The following SLC48A1 variants were observed in gnomAD, a reference collection of about 807,000 sequenced individuals.
SLC48A1 encodes the protein solute carrier family 48 member 1.
Under a neutral mutation model 14.8 loss-of-function variants are expected in SLC48A1, and 6 were observed. The observed-to-expected ratio is 0.41, with a 90% CI of 0.22 to 0.80. The LOEUF (loss-of-function observed/expected upper bound fraction) is 0.80, where lower values mean the gene tolerates loss of function less well. SLC48A1 is among the 30% of genes least tolerant of loss of function. The probability of loss-of-function intolerance (pLI) is 0.34; values close to 1 mark genes in which losing one functional copy is unlikely to be tolerated. For missense variants in SLC48A1, 165 were observed against 204.8 expected, an observed-to-expected ratio of 0.81 and a Z score of 1.19; for synonymous variants, 89 against 90.0, an observed-to-expected ratio of 0.99 and a Z score of 0.06.
At chr12:47,775,794 A>T (rs1219673535) in intron 1 of SLC48A1, among the ~76,000 whole-genome samples, 1 of 152,046 alleles carries the variant, frequency 6.6e-6, no homozygotes, top group Non-Finnish European at 1.5e-5. Context: ...TGGTGGGCAG[A>T]GTGTTCACGG....
intron 1 of SLC48A1, 116 bp downstream of exon 1, chr12:47,773,556 T>C (rs1942674419): frequency 7.4e-6 from 9 of 1,222,788 alleles, no homozygotes; most frequent in Non-Finnish European, 6.1e-6. Flanking sequence ...GTGGAGTGTT[T>C]ACTCGAAAAC....
chr12:47,771,131 G>GTT (rs534094578), upstream of SLC48A1: 32,432 of 287,342 alleles, frequency 0.11, 1,804 homozygotes, highest in Non-Finnish European at 0.15. Flanking sequence ...GTGGGGCTGG[G>GTT]TTTATTTTTT....
Position 47,773,319 on chromosome 12 carries a change from G to T in SLC48A1, c.15G>T (p.Arg5Ser). Residue 5 changes from arginine to serine, a missense_variant, in exon 1 of 3, where the codon AGG becomes AGT. By Grantham distance (110) the Arg-to-Ser change is moderately radical. Coordinates refer to ENST00000442218, the MANE Select transcript of SLC48A1 (RefSeq NM_017842.3). ...GCCGCAGCCCCATGGCCCCGTCCAG[G>T]CTGCAGCTCGGCCTCCGCGCCGCCT... MAPS[R>S]LQLGLRAAYS... The T allele has an allele frequency of 6.8e-7, 1 of 1,467,074 alleles. No individual in the cohort carries two copies. Among genetic ancestry groups the T allele is most frequent in the Non-Finnish European group, 9.0e-7 (1 of 1,108,440 alleles). The allele number at this position is 1,467,074 out of a possible 1,614,324, so 90.9% of individuals were successfully genotyped here.
upstream of SLC48A1, among the ~76,000 whole-genome samples, chr12:47,771,807 C>T (rs1942634879): frequency 6.6e-6 from 1 of 151,962 alleles, no homozygotes. Context: ...GTGGTGGAAG[C>T]GTGTAATCCC....
At chr12:47,757,742 G>A (rs536547017), upstream of SLC48A1, 188 of 907,426 alleles carry the variant, frequency 2.1e-4, no homozygotes, top group East Asian at 1.8e-3. Flanking sequence ...CAGTGTCCAC[G>A]GCAGCTGTAC....
chr12:47,779,193 A>T lies in SLC48A1; in HGVS notation c.302A>T (p.Gln101Leu), dbSNP rs1028891027. The T allele has an allele frequency of 2.6e-6, 4 of 1,551,004 alleles. No homozygotes were observed. The South Asian group carries it at 4.8e-5, about 18-fold the overall frequency. Residue 101 changes from glutamine (Q) to leucine (L), a missense_variant and splice_region_variant, in exon 2 of 3, where the codon CAG (glutamine) becomes CTG (leucine). Transcript: ENST00000442218. ...CTCGTGCTGGCCATCACCCGGCATC[A>T]GAGTGAGGGCGGGTCCCAGGGAAAG... ...TFLVLAITRH[Q>L]SLTDPTSYYL...
At chr12:47,776,611 G>A (rs1198293014) in intron 1 of SLC48A1, among the ~76,000 whole-genome samples, 6 of 152,310 alleles carry the variant, frequency 3.9e-5, no homozygotes, top group Non-Finnish European at 4.4e-5. Flanking sequence ...ATCTGGAGGG[G>A]AGGCCTCTGT....
upstream of SLC48A1, chr12:47,758,209 G>A: frequency 6.9e-7 from 1 of 1,439,294 alleles, no homozygotes; most frequent in South Asian, 1.5e-5. Flanking sequence ...CTGCAACCCT[G>A]CCAGGAGCTG....
chr12:47,760,065 T>A (rs1385230943), intron 1 of SLC48A1, among the ~76,000 whole-genome samples: 1 of 146,226 alleles, frequency 6.8e-6, no homozygotes, highest in African/African-American at 2.5e-5. Context: ...GGAGAGAAAT[T>A]TTAATTGTGA....
intron 2 of SLC48A1, among the ~76,000 whole-genome samples, chr12:47,762,776 A>G (rs1266904696): frequency 2.0e-5 from 3 of 152,158 alleles, no homozygotes; most frequent in Non-Finnish European, 4.4e-5. Flanking sequence ...ACCATTGTGC[A>G]CTGCTACCTC....
At chr12:47,764,967 C>G (rs561178755) in intron 2 of SLC48A1, among the ~76,000 whole-genome samples, 1 of 151,404 alleles carries the variant, frequency 6.6e-6, no homozygotes, top group South Asian at 2.1e-4. Flanking sequence ...GTCCAAGCTA[C>G]TCGGGAGGCT....
rs1592609250 is a variant in SLC48A1 at position 47,777,994 on chromosome 12, C to T, written c.137-1034C>T. The stretch of plus-strand genomic sequence containing the variant: ...AGGCCTCCTGACTCCTAGGATGCAG[C>T]GGCCTGAGTGGCCCACACCTTGCAA... On this transcript the variant is annotated intron_variant, in intron 1 of 2. Coordinates refer to ENST00000442218, the MANE Select transcript of SLC48A1 (RefSeq NM_017842.3). This position sits in a 1 kb window ranked among gnomAD's most constrained non-coding sequence, Gnocchi z 4.5. Among the ~76,000 whole-genome samples, 2 of 152,328 alleles carry T rather than the reference C, an allele frequency of 1.3e-5. No individual in the cohort carries two copies.
In SLC48A1 at chr12:47,780,981, T is replaced by C. The variant is rs764421403; in HGVS notation, c.*700T>C. 1 of 518,614 alleles carries C rather than the reference T, an allele frequency of 1.9e-6. No individual in the cohort carries two copies. Among genetic ancestry groups the C allele is most frequent in the Admixed American group, 2.0e-5 (1 of 49,706 alleles). 32.1% of individuals were successfully genotyped at this position (518,614 alleles called of 1,614,324 possible). On this transcript the variant is annotated 3_prime_UTR_variant, in exon 3 of 3. Coordinates refer to ENST00000442218, the MANE Select transcript of SLC48A1 (RefSeq NM_017842.3). ...CCTGGACCTATGCTGCAGGCAAGGGTTTCCATCCCCGCTGCCCTAGGCACT... is the reference window on the plus strand; with the variant it reads ...CCTGGACCTATGCTGCAGGCAAGGGCTTCCATCCCCGCTGCCCTAGGCACT...
intron 1 of SLC48A1, among the ~76,000 whole-genome samples, chr12:47,773,696 T>C (rs1440751013): frequency 6.6e-6 from 1 of 152,020 alleles, no homozygotes; most frequent in Non-Finnish European, 1.5e-5. Context: ...TGCACAGACC[T>C]GCCGCGCCGC....
At chr12:47,778,766 G>A (rs1358495686) in intron 1 of SLC48A1, 1 of 419,356 alleles carries the variant, frequency 2.4e-6, no homozygotes, top group African/African-American at 2.0e-5. Flanking sequence ...AGATATTCAT[G>A]TTTTCCAAAA....
rs147565755 is a variant in SLC48A1 at position 47,780,992 on chromosome 12, G to A, written c.*711G>A. The A allele has an allele frequency of 5.6e-3, 2,790 of 496,560 alleles. 66 individuals are homozygous for A. The highest frequency in any genetic ancestry group is 2.5e-3 in the Non-Finnish European group (608 of 243,818). 30.8% of individuals were successfully genotyped at this position (496,560 alleles called of 1,614,324 possible). A position where few individuals can be genotyped will look rare whatever the true frequency, so the allele number is the denominator to read the frequency against. On this transcript the variant is annotated 3_prime_UTR_variant, in exon 3 of 3. Coordinates refer to ENST00000442218, the MANE Select transcript of SLC48A1 (RefSeq NM_017842.3). ...GCTGCAGGCAAGGGTTTCCATCCCCGCTGCCCTAGGCACTCTCTTCCCAAG... is the reference window on the plus strand; with the variant it reads ...GCTGCAGGCAAGGGTTTCCATCCCCACTGCCCTAGGCACTCTCTTCCCAAG...
upstream of SLC48A1, among the ~76,000 whole-genome samples, chr12:47,769,934 G>A (rs1222319976): frequency 6.6e-6 from 1 of 152,196 alleles, no homozygotes; most frequent in East Asian, 1.9e-4. Context: ...CAGTTCTTCA[G>A]TCACACTAGT....
chr12:47,776,858 G>GA (rs1942765552), intron 1 of SLC48A1, among the ~76,000 whole-genome samples: 1 of 152,172 alleles, frequency 6.6e-6, no homozygotes, highest in Non-Finnish European at 1.5e-5. Flanking sequence ...TCCTAACCCA[G>GA]AAACTGCTGA....
intron 1 of SLC48A1, chr12:47,778,783 A>C: frequency 2.3e-6 from 1 of 438,220 alleles, no homozygotes; most frequent in Non-Finnish European, 4.0e-6. Flanking sequence ...AAAACAAAAT[A>C]AAATCAGAGA....
Sources: gnomAD v4.1 joint callset for allele counts (sites outside exome capture counted in the v4.1 genomes callset) on GRCh38, gnomAD v4.1.1 for gene constraint, Gnocchi (gnomAD v3.1) non-coding constraint, MANE v1.5 for transcripts, NCBI Gene and HGNC (gene_info 2026-07-23, HGNC 2026-07-21) for gene names.